SRSF7: variants seen among roughly 807,000 people sequenced by gnomAD.
SRSF7 encodes the protein serine and arginine rich splicing factor 7, also known as serine/arginine-rich splicing factor 7.
Under a neutral mutation model 42.2 loss-of-function variants are expected in SRSF7, and 15 were observed. That is an observed-to-expected ratio of 0.36 (90% CI 0.24 to 0.55). The LOEUF (loss-of-function observed/expected upper bound fraction) is 0.55, where lower values mean the gene tolerates loss of function less well. Among genes scored for constraint, SRSF7 ranks in the 20% least tolerant of loss-of-function variants. SRSF7 has a pLI of 0.88. For missense variants in SRSF7, 181 were observed against 305.9 expected, an observed-to-expected ratio of 0.59 and a Z score of 3.04; for synonymous variants, 138 against 107.9, an observed-to-expected ratio of 1.28 and a Z score of -1.73.
In SRSF7 at chr2:38,744,233, T is replaced by C; in HGVS notation, c.*900A>G. 1 of 152,656 alleles carries C rather than the reference T, an allele frequency of 6.6e-6. No individual in the cohort carries two copies. Among genetic ancestry groups the C allele is most frequent in the Non-Finnish European group, 1.5e-5 (1 of 68,048 alleles). The allele number at this position is 152,656 out of a possible 1,614,324, so 9.5% of individuals were successfully genotyped here. A position where few individuals can be genotyped will look rare whatever the true frequency, so the allele number is the denominator to read the frequency against. ...AGCTTGAAGATTAACAACAGGTCTTTGCTCAGAATAAGACAATCCATTTGA... is the reference window on the plus strand; with the variant it reads ...AGCTTGAAGATTAACAACAGGTCTTCGCTCAGAATAAGACAATCCATTTGA... On this transcript the variant is annotated 3_prime_UTR_variant, in exon 8 of 8. Coordinates refer to ENST00000313117, the MANE Select transcript of SRSF7 (RefSeq NM_001031684.3).
chr2:38,749,469 C>A, intron 3 of SRSF7, 60 bp downstream of exon 3: 1 of 1,544,312 alleles, frequency 6.5e-7, no homozygotes, highest in South Asian at 1.2e-5. Flanking sequence ...TTCTGCCTTG[C>A]TAATAAAAGA....
chr2:38,747,779 G>A (rs924608340), intron 5 of SRSF7, among the ~76,000 whole-genome samples: 1 of 152,132 alleles, frequency 6.6e-6, no homozygotes, highest in African/African-American at 2.4e-5. Context: ...AAAGTTTATA[G>A]CAACATGCCT....
chr2:38,749,334 C>G, intron 3 of SRSF7, 195 bp downstream of exon 3: 1 of 1,526,460 alleles, frequency 6.6e-7, no homozygotes, highest in Non-Finnish European at 8.8e-7. Flanking sequence ...GCGACTGACT[C>G]AAACGAAGAA....
Position 38,745,173 on chromosome 2 carries a change from C to T in SRSF7, c.677G>A (p.Gly226Glu). ...AGGACTTGCACTTCTGCGAGGACTT[C>T]CTGATGGGGAACGACTAAAAAGAAA... ...PSPKRSRSPS[G>E]SPRRSASPER... Residue 226 changes from glycine to glutamate, a missense_variant, in exon 8 of 8, where the codon GGA becomes GAA. Physicochemically the swap from Gly to Glu is moderately conservative, Grantham distance 98 (BLOSUM62 -2). This residue lies in a region of SRSF7 where 136 missense variants were observed against 147.8 expected (regional missense o/e 0.92). Transcript: ENST00000313117. 1.2e-6 allele frequency: 2 copies of T among 1,614,136 alleles called. No homozygotes were observed. The highest frequency in any genetic ancestry group is 1.7e-6 in the Non-Finnish European group (2 of 1,179,994).
intron 1 of SRSF7, chr2:38,750,884 G>A (rs980686212): frequency 2.4e-4 from 76 of 315,224 alleles, no homozygotes; most frequent in South Asian, 1.0e-3. Flanking sequence ...GCGCCACCAC[G>A]GTCCTCAATG....
In SRSF7 at chr2:38,748,114, G is replaced by C; in HGVS notation, c.505C>G (p.Arg169Gly). The C allele has an allele frequency of 6.2e-7, 1 of 1,613,704 alleles. No individual in the cohort carries two copies. Among genetic ancestry groups the C allele is most frequent in the Non-Finnish European group, 8.5e-7 (1 of 1,179,890 alleles). The change falls in exon 5 of 8, where the codon CGT becomes GGT. Residue 169 changes from arginine to glycine, a missense_variant. This residue lies in a region of SRSF7 where 136 missense variants were observed against 147.8 expected (regional missense o/e 0.92). Coordinates refer to ENST00000313117, the MANE Select transcript of SRSF7 (RefSeq NM_001031684.3). ...CTGAGTGAAGCTGATCTTGATCTAC[G>C]AAGAGAGATAGATCTTGATCGTCGA... ...SPRRSRSISL[R>G]RSRSASLRRS...
chr2:38,746,753 TA>T lies in SRSF7; in HGVS notation c.573-7del. On this transcript the variant is annotated splice_polypyrimidine_tract_variant and splice_region_variant and intron_variant, in intron 5 of 7. Transcript: ENST00000313117. ...ATCTTGACCTCGACGGGGATCTTAA[TA>T]AAAAAAGTGAAAAACACAATTATAT... is the stretch of plus-strand genomic sequence containing the variant. 1 of 1,613,278 alleles carries T rather than the reference TA, an allele frequency of 6.2e-7. No individual in the cohort carries two copies. The highest frequency in any genetic ancestry group is 1.1e-5 in the South Asian group (1 of 90,918).
intron 1 of SRSF7, chr2:38,750,712 A>C: frequency 6.3e-6 from 1 of 159,126 alleles, no homozygotes; most frequent in Non-Finnish European, 1.4e-5. Flanking sequence ...CCCAGCCGCC[A>C]GTCGCAGATT....
Position 38,749,867 on chromosome 2 carries a change from CTTT to C in SRSF7, c.209+144_209+146del, listed in dbSNP as rs1436458038. 3.2e-6 allele frequency: 4 copies of C among 1,236,824 alleles called. No homozygotes were observed. The African/African-American group carries it at 6.1e-5, about 19-fold the overall frequency. The allele number at this position is 1,236,824 out of a possible 1,614,324, so 76.6% of individuals were successfully genotyped here. A position where few individuals can be genotyped will look rare whatever the true frequency, so the allele number is the denominator to read the frequency against. On this transcript the variant is annotated intron_variant, in intron 2 of 7. Coordinates refer to ENST00000313117, the MANE Select transcript of SRSF7 (RefSeq NM_001031684.3). ...GCCCTAACTCCATCTCCGCTATCTT[CTTT>C]AACCTTCGTGTGCCTTTAGCATTTA...
chr2:38,746,180 C>A lies in SRSF7; in HGVS notation c.627-1G>T. 6.2e-7 allele frequency: 1 copy of A among 1,614,066 alleles called. No individual in the cohort carries two copies. Among genetic ancestry groups the A allele is most frequent in the Non-Finnish European group, 8.5e-7 (1 of 1,179,996 alleles). On this transcript the variant is annotated splice_acceptor_variant, in intron 6 of 7. Coordinates refer to ENST00000313117, the MANE Select transcript of SRSF7 (RefSeq NM_001031684.3). LOFTEE classifies it high-confidence loss of function. ...AGATGGAGATCTGGACTTTGATCGG[C>A]TGTCAAAACATGAGAAATTCTATTA...
At chr2:38,750,428 C>T (rs1020831182) in intron 1 of SRSF7, among the ~76,000 whole-genome samples, 5 of 152,042 alleles carry the variant, frequency 3.3e-5, no homozygotes, top group African/African-American at 7.2e-5. Context: ...CTCCCGAACA[C>T]AAGCAGAAAC....
At position 38,745,014 on chromosome 2, in the gene SRSF7, A is replaced by C; in HGVS notation, c.*119T>G. ...CTGCTGTGAATTTACATAGTAATCC[A>C]GATCCATTTTGATTAGATGGTTGAA... On this transcript the variant is annotated 3_prime_UTR_variant, in exon 8 of 8. Transcript: ENST00000313117. 3 of 974,280 alleles carry C rather than the reference A, an allele frequency of 3.1e-6. No homozygotes were observed. The African/African-American group carries it at 4.9e-5, about 16-fold the overall frequency. 60.4% of individuals were successfully genotyped at this position (974,280 alleles called of 1,614,324 possible).
At chr2:38,751,178 A>C in intron 1 of SRSF7, 51 bp downstream of exon 1, 1 of 1,611,224 alleles carries the variant, frequency 6.2e-7, no homozygotes, top group East Asian at 2.2e-5. Flanking sequence ...ACGGCCTCGC[A>C]GTGCTCACTA....
At position 38,744,605 on chromosome 2, in the gene SRSF7, T is replaced by C; in HGVS notation, c.*528A>G. 3 of 153,980 alleles carry C rather than the reference T, an allele frequency of 1.9e-5. No homozygotes were observed. Among genetic ancestry groups the C allele is most frequent in the Admixed American group, 1.9e-4 (3 of 15,594 alleles). 9.5% of individuals were successfully genotyped at this position (153,980 alleles called of 1,614,324 possible). Reference sequence around the variant, plus strand: ...TCACCACTGATCATACAATACCTACTAACACCAACTTCAAACGGATTAGCT... The same window carrying C: ...TCACCACTGATCATACAATACCTACCAACACCAACTTCAAACGGATTAGCT... On this transcript the variant is annotated 3_prime_UTR_variant, in exon 8 of 8. Transcript: ENST00000313117.
In SRSF7 at chr2:38,744,950, TATG is replaced by T; in HGVS notation, c.*180_*182del. The T allele has an allele frequency of 6.7e-5, 36 of 533,808 alleles. No individual in the cohort carries two copies. The highest frequency in any genetic ancestry group is 1.8e-4 in the Admixed American group (5 of 28,424). The allele number at this position is 533,808 out of a possible 1,614,324, so 33.1% of individuals were successfully genotyped here. On this transcript the variant is annotated 3_prime_UTR_variant, in exon 8 of 8. Transcript: ENST00000313117. ...AATAAAAACCCACATTTTCAGACCA[TATG>T]ATGTTAATACATTCAACAAAATTTA...
chr2:38,746,954 A>C, intron 5 of SRSF7: 1 of 796,656 alleles, frequency 1.3e-6, no homozygotes. Flanking sequence ...TCTATCACTC[A>C]ATTGGTTAGT....
intron 1 of SRSF7, chr2:38,750,693 T>TAA (rs34409505): frequency 3.9e-4 from 61 of 156,392 alleles, no homozygotes; most frequent in Admixed American, 7.5e-4. Context: ...TGGAAATAAC[T>TAA]AAAAAAAACC....
intron 1 of SRSF7, among the ~76,000 whole-genome samples, chr2:38,750,470 A>C (rs3134628): frequency 1.4e-4 from 21 of 151,416 alleles, no homozygotes; most frequent in South Asian, 6.3e-4. Context: ...CGTGGGGCGG[A>C]ACCTGGCCCG....
At chr2:38,745,249 TACTA>T (rs1374694268) in intron 7 of SRSF7, 62 bp from the exon 8 acceptor site, 4 of 1,562,782 alleles carry the variant, frequency 2.6e-6, no homozygotes, top group East Asian at 4.5e-5. Flanking sequence ...CATGTACATG[TACTA>T]ACTTTCAATA....
Sources: gnomAD v4.1 joint callset for allele counts (sites outside exome capture counted in the v4.1 genomes callset) on GRCh38, gnomAD v4.1.1 for gene constraint, gnomAD v4.1.1 regional missense constraint, MANE v1.5 for transcripts, NCBI Gene and HGNC (gene_info 2026-07-23, HGNC 2026-07-21) for gene names.